Variants in TYR observed in about 807,000 individuals in gnomAD.
The protein encoded by TYR is tyrosinase.
In TYR, 58 loss-of-function variants were observed where a neutral mutation model predicts 51.5. The ratio of observed to expected loss-of-function variants is 1.13; its 90% CI spans 0.91 to 1.40. The LOEUF (loss-of-function observed/expected upper bound fraction) is 1.40. TYR is among the 40% of genes most tolerant of loss of function. TYR has a pLI of 0.00. For synonymous variants in TYR, 263 were observed against 235.2 expected (o/e 1.12, Z -1.08); for missense variants, 732 against 647.4 (o/e 1.13, Z -1.42).
chr11:89,195,405 G>A (rs1262782147), intron 2 of TYR, among the ~76,000 whole-genome samples: 1 of 152,164 alleles, frequency 6.6e-6, no homozygotes, highest in East Asian at 1.9e-4. Context: ...ATGGCCGGGT[G>A]TGGTGGCTCA....
At chr11:89,240,746 A>G (rs1384664585) in intron 3 of TYR, among the ~76,000 whole-genome samples, 1 of 152,188 alleles carries the variant, frequency 6.6e-6, no homozygotes, top group African/African-American at 2.4e-5. Flanking sequence ...TGAAGAAATG[A>G]CAGTAATACA....
chr11:89,203,032 T>C (rs956915045), intron 2 of TYR, among the ~76,000 whole-genome samples: 8 of 152,238 alleles, frequency 5.3e-5, no homozygotes, highest in Non-Finnish European at 1.2e-4. Flanking sequence ...CTTTGATATC[T>C]AAAAAGCTTG....
intron 1 of TYR, among the ~76,000 whole-genome samples, chr11:89,179,143 A>G (rs1943268678): frequency 6.6e-6 from 1 of 152,178 alleles, no homozygotes; most frequent in Admixed American, 6.5e-5. Flanking sequence ...AACAAATGAT[A>G]TACACTAATG....
intron 3 of TYR, among the ~76,000 whole-genome samples, chr11:89,264,980 C>G (rs1286342843): frequency 2.6e-5 from 4 of 152,016 alleles, no homozygotes; most frequent in Admixed American, 2.6e-4. Context: ...TTAGTGCATA[C>G]TTAATTCTTT....
At chr11:89,196,724 T>A (rs993151872) in intron 2 of TYR, among the ~76,000 whole-genome samples, 2 of 152,156 alleles carry the variant, frequency 1.3e-5, no homozygotes, top group Non-Finnish European at 2.9e-5. Context: ...CTTCTCAGTA[T>A]ATTCAGTCCG....
In TYR at chr11:89,295,417, A is replaced by T. The variant is rs1944897916; in HGVS notation, c.*51A>T. 2.6e-6 allele frequency: 4 copies of T among 1,545,452 alleles called. No homozygotes were observed. Among genetic ancestry groups the T allele is most frequent in the Non-Finnish European group, 3.5e-6 (4 of 1,131,504 alleles). ...AAAAAGCCTGACCTCACTCTAACTC[A>T]AAGTAATGTCCAGGTTCCCAGAGAA... is the stretch of plus-strand genomic sequence containing the variant. On this transcript the variant is annotated 3_prime_UTR_variant, in exon 5 of 5. Coordinates refer to ENST00000263321, the MANE Select transcript of TYR (RefSeq NM_000372.5).
chr11:89,234,806 A>G (rs1944090053), intron 3 of TYR, among the ~76,000 whole-genome samples: 1 of 152,140 alleles, frequency 6.6e-6, no homozygotes, highest in Non-Finnish European at 1.5e-5. Context: ...ATTTCTGGTC[A>G]CAGATCAGCA....
intron 3 of TYR, among the ~76,000 whole-genome samples, chr11:89,241,031 C>G (rs1314981100): frequency 6.6e-6 from 1 of 152,132 alleles, no homozygotes; most frequent in African/African-American, 2.4e-5. Flanking sequence ...GTTGTTTATT[C>G]TGTTTCTACA....
At chr11:89,184,683 T>C (rs1165125354) in intron 1 of TYR, among the ~76,000 whole-genome samples, 1 of 152,198 alleles carries the variant, frequency 6.6e-6, no homozygotes, top group Non-Finnish European at 1.5e-5. Context: ...TTGAATAGTT[T>C]CTTTTCGTAT....
In TYR at chr11:89,198,754, CAT is replaced by C. The variant is rs144458836; in HGVS notation, c.1036+7351_1036+7352del. On this transcript the variant is annotated intron_variant, in intron 2 of 4. Transcript: ENST00000263321. ...TTTACTCAAAAGGTAACTTTTTTCT[CAT>C]ATATATATATATATTTTTATACTTT... Among the ~76,000 whole-genome samples, 68 of 146,356 alleles carry C rather than the reference CAT, an allele frequency of 4.6e-4. 1 individual carries two copies. The highest frequency in any genetic ancestry group is 8.8e-4 in the Admixed American group (13 of 14,830).
At chr11:89,235,322 C>G (rs538723341) in intron 3 of TYR, among the ~76,000 whole-genome samples, 1 of 152,056 alleles carries the variant, frequency 6.6e-6, no homozygotes, top group Non-Finnish European at 1.5e-5. Flanking sequence ...CCACTTCTGA[C>G]TATATATCAA....
chr11:89,271,883 C>A (rs1165874224), intron 3 of TYR, among the ~76,000 whole-genome samples: 3 of 151,892 alleles, frequency 2.0e-5, no homozygotes, highest in African/African-American at 7.2e-5. Flanking sequence ...AAACTATTTT[C>A]TTTGCTCATC....
intron 2 of TYR, among the ~76,000 whole-genome samples, chr11:89,195,416 C>T (rs148637289): frequency 0.015 from 2,214 of 152,176 alleles, 48 homozygotes; most frequent in African/African-American, 0.051. Flanking sequence ...TGGTGGCTCA[C>T]GCCTGTAAAC....
chr11:89,242,990 G>A (rs920924043), intron 3 of TYR, among the ~76,000 whole-genome samples: 9 of 152,242 alleles, frequency 5.9e-5, no homozygotes, highest in Non-Finnish European at 1.2e-4. Context: ...TTCCACCTTT[G>A]TCAGCGTGTT....
intron 3 of TYR, among the ~76,000 whole-genome samples, chr11:89,258,979 T>C (rs759557785): frequency 3.9e-5 from 6 of 152,122 alleles, no homozygotes; most frequent in African/African-American, 9.6e-5. Context: ...ATAGGTAATC[T>C]ATTGCAAAAG....
intron 2 of TYR, among the ~76,000 whole-genome samples, chr11:89,203,654 C>G (rs568373898): frequency 6.6e-6 from 1 of 152,056 alleles, no homozygotes; most frequent in Admixed American, 6.6e-5. Flanking sequence ...TGGGATCTCA[C>G]GGTATGATGG....
chr11:89,204,066 G>A (rs1281125403), intron 2 of TYR, among the ~76,000 whole-genome samples: 1 of 152,154 alleles, frequency 6.6e-6, no homozygotes, highest in Non-Finnish European at 1.5e-5. Flanking sequence ...TGGAGGCAAT[G>A]TGGAGGACCT....
intron 3 of TYR, among the ~76,000 whole-genome samples, chr11:89,274,338 G>T (rs972419849): frequency 2.0e-4 from 31 of 151,734 alleles, no homozygotes; most frequent in African/African-American, 7.3e-4. Flanking sequence ...TATACCATAG[G>T]CATACCAATT....
chr11:89,251,102 A>G (rs1318620892), intron 3 of TYR, among the ~76,000 whole-genome samples: 1 of 151,998 alleles, frequency 6.6e-6, no homozygotes, highest in Non-Finnish European at 1.5e-5. Context: ...AAAACATTAA[A>G]GCATGTTGAA....
Sources: allele counts gnomAD v4.1 joint callset (sites outside exome capture counted in the v4.1 genomes callset), GRCh38; gene constraint gnomAD v4.1.1; transcripts MANE v1.5; gene names NCBI Gene and HGNC (gene_info 2026-07-23, HGNC 2026-07-21).